ITIH5: variants seen among roughly 807,000 people sequenced by gnomAD.
ITIH5 encodes inter-alpha-trypsin inhibitor heavy chain H5.
Under a neutral mutation model 77.5 loss-of-function variants are expected in ITIH5, and 65 were observed. The observed-to-expected ratio is 0.84, with a 90% CI of 0.69 to 1.03. ITIH5 has a LOEUF of 1.03. Ranked by LOEUF, ITIH5 falls within the 50% of genes least tolerant of loss-of-function variation. The pLI, the probability that ITIH5 is intolerant of heterozygous loss-of-function variation, is 0.00. For missense variants in ITIH5, 1,208 were observed against 1,213.1 expected, an observed-to-expected ratio of 1.00 and a Z score of 0.06; for synonymous variants, 525 against 494.3, an observed-to-expected ratio of 1.06 and a Z score of -0.82.
In ITIH5 at chr10:7,576,577, G is replaced by A. The variant is rs777417574; in HGVS notation, c.1854C>T (p.Phe618=). 3 of 1,614,016 alleles carry A rather than the reference G, an allele frequency of 1.9e-6. No individual in the cohort carries two copies. The highest frequency in any genetic ancestry group is 2.5e-6 in the Non-Finnish European group (3 of 1,180,044). ...CCGGCCCCCTCAGCTTCATGGAGGTGAAGGGAGTGAGGAAGCGGTAGCTCA... is the reference window on the plus strand; with the variant it reads ...CCGGCCCCCTCAGCTTCATGGAGGTAAAGGGAGTGAGGAAGCGGTAGCTCA... ...LAVSYRFLTP[F]TSMKLRGPVP... Residue 618 remains phenylalanine, a synonymous_variant, in exon 10 of 14, where the codon TTC becomes TTT. Transcript: ENST00000397146.
rs548335123 is a variant in ITIH5 at position 7,576,886 on chromosome 10, C to T, written c.1545G>A (p.Ala515=). 141 of 1,614,126 alleles carry T rather than the reference C, an allele frequency of 8.7e-5. No homozygotes were observed. In the East Asian group the frequency reaches 2.2e-3, roughly 26 times the overall value. Residue 515 remains alanine, a synonymous_variant, in exon 10 of 14, where the codon GCG becomes GCA. Coordinates refer to ENST00000397146, the MANE Select transcript of ITIH5 (RefSeq NM_030569.7). ...CCAGCTTCCTGTCCACCAGCTTCCC[C>T]GCAATGATGATCTCCGAGCCGTTGA... ...NYFNGSEIII[A]GKLVDRKLDH...
chr10:7,565,844 T>C (rs1297673704), intron 13 of ITIH5, among the ~76,000 whole-genome samples, 186 bp downstream of exon 13: 1 of 150,506 alleles, frequency 6.6e-6, no homozygotes, highest in African/African-American at 2.4e-5. Flanking sequence ...TGTATATGTA[T>C]ATATGTATAG....
chr10:7,608,434 C>G (rs114486572), intron 7 of ITIH5, among the ~76,000 whole-genome samples: 1 of 152,138 alleles, frequency 6.6e-6, no homozygotes, highest in African/African-American at 2.4e-5. Context: ...TGTGGGCCAT[C>G]ATGCCTGGCT....
intron 7 of ITIH5, among the ~76,000 whole-genome samples, chr10:7,604,178 G>C (rs1277073776): frequency 6.6e-6 from 1 of 152,152 alleles, no homozygotes; most frequent in Non-Finnish European, 1.5e-5. Flanking sequence ...GGGTCCCATG[G>C]TTATAAGGGA....
intron 2 of ITIH5, among the ~76,000 whole-genome samples, chr10:7,650,891 C>T (rs1468992580): frequency 1.3e-5 from 2 of 152,150 alleles, no homozygotes; most frequent in Non-Finnish European, 2.9e-5. Context: ...TGTGCTAATA[C>T]AGTCTACGTA....
intron 7 of ITIH5, among the ~76,000 whole-genome samples, chr10:7,596,072 T>C (rs1383934081): frequency 6.6e-6 from 1 of 152,220 alleles, no homozygotes; most frequent in Non-Finnish European, 1.5e-5. Flanking sequence ...ATCCCTTCAG[T>C]ACAGCTGGCA....
chr10:7,622,958 A>G (rs1833497732), intron 5 of ITIH5, among the ~76,000 whole-genome samples: 1 of 152,384 alleles, frequency 6.6e-6, no homozygotes, highest in South Asian at 2.1e-4. Flanking sequence ...TAGCTTGTGC[A>G]TCAGAGTTGA....
At chr10:7,651,249 A>T (rs1437548445) in intron 2 of ITIH5, among the ~76,000 whole-genome samples, 2 of 151,624 alleles carry the variant, frequency 1.3e-5, no homozygotes, top group Non-Finnish European at 2.9e-5. Context: ...ATATAAACCG[A>T]CCAATCCATA....
intron 7 of ITIH5, among the ~76,000 whole-genome samples, chr10:7,588,482 C>A (rs1832726633): frequency 6.6e-6 from 1 of 152,254 alleles, no homozygotes; most frequent in Admixed American, 6.5e-5. Flanking sequence ...CGTGCCACTG[C>A]ACTCTGCCTG....
At chr10:7,659,206 ATC>A (rs2131113135) in intron 1 of ITIH5, among the ~76,000 whole-genome samples, 1 of 152,140 alleles carries the variant, frequency 6.6e-6, no homozygotes, top group East Asian at 1.9e-4. Flanking sequence ...GTGAAACCTC[ATC>A]TCTGTTTTAA....
chr10:7,565,701 CA>C (rs1476308221), intron 13 of ITIH5, among the ~76,000 whole-genome samples: 2 of 148,442 alleles, frequency 1.3e-5, no homozygotes, highest in South Asian at 4.2e-4. Flanking sequence ...ATACAGACTG[CA>C]TATATAATAT....
At chr10:7,618,480 C>G (rs927860376) in intron 5 of ITIH5, 28 of 152,276 alleles carry the variant, frequency 1.8e-4, no homozygotes, top group African/African-American at 6.3e-4. Flanking sequence ...AAACTACTCA[C>G]GTTTATAAAC....
chr10:7,585,969 A>C lies in ITIH5; in HGVS notation c.1040T>G (p.Leu347Trp), dbSNP rs1360572926. The C allele has an allele frequency of 1.9e-6, 3 of 1,614,004 alleles. No homozygotes were observed. Among genetic ancestry groups the C allele is most frequent in the Admixed American group, 3.3e-5 (2 of 60,000 alleles). Residue 347 changes from leucine to tryptophan, a missense_variant, in exon 8 of 14, where the codon TTG becomes TGG. Coordinates refer to ENST00000397146, the MANE Select transcript of ITIH5 (RefSeq NM_030569.7). ...SNRIKVWKDH[L>W]ISVTPDSIRD... Reference sequence around the variant, plus strand: ...GATGCTGTCTGGAGTGACTGATATCAAGTGGTCCTTCCATACTTTGATCCG... The same window carrying C: ...GATGCTGTCTGGAGTGACTGATATCCAGTGGTCCTTCCATACTTTGATCCG...
At chr10:7,622,851 A>C (rs571933857) in intron 5 of ITIH5, among the ~76,000 whole-genome samples, 5 of 152,336 alleles carry the variant, frequency 3.3e-5, no homozygotes, top group African/African-American at 1.2e-4. Flanking sequence ...ATTTTGCCAC[A>C]TTCTCCAAGG....
chr10:7,582,084 C>T (rs1054426028), intron 8 of ITIH5, among the ~76,000 whole-genome samples: 28 of 152,018 alleles, frequency 1.8e-4, no homozygotes, highest in South Asian at 4.2e-4. Flanking sequence ...ACCATGTTGG[C>T]CAGGCTGGTC....
intron 8 of ITIH5, among the ~76,000 whole-genome samples, chr10:7,582,586 G>A (rs1244272610): frequency 6.6e-6 from 1 of 152,108 alleles, no homozygotes; most frequent in Non-Finnish European, 1.5e-5. Flanking sequence ...CCTGACTGGA[G>A]TGACTTTTCT....
chr10:7,587,674 G>A (rs1832709631), intron 7 of ITIH5, among the ~76,000 whole-genome samples: 1 of 152,226 alleles, frequency 6.6e-6, no homozygotes, highest in South Asian at 2.1e-4. Context: ...GCTCTGAGCA[G>A]GGCCAGCCAC....
Position 7,641,646 on chromosome 10 carries a change from AAGG to A in ITIH5, c.299+278_299+280del, listed in dbSNP as rs1564275757. Among the ~76,000 whole-genome samples the A allele has an allele frequency of 9.5e-5, 8 of 83,908 alleles. No homozygotes were observed. In the East Asian group the frequency reaches 4.3e-3, roughly 45 times the overall value. The allele number at this position is 83,908 out of a possible 152,430, so 55.0% of individuals were successfully genotyped here. A position where few individuals can be genotyped will look rare whatever the true frequency, so the allele number is the denominator to read the frequency against. ...AGGAGGGAAGGAAAGAAAAGGAAGG[AAGG>A]AAGGGAGGGAGGGAGGGAGGGAGGC... On this transcript the variant is annotated intron_variant, in intron 3 of 13. Transcript: ENST00000397146.
chr10:7,659,461 G>A (rs1834241711), intron 1 of ITIH5, among the ~76,000 whole-genome samples: 1 of 151,940 alleles, frequency 6.6e-6, no homozygotes, highest in African/African-American at 2.4e-5. Context: ...GTGAAAGGAA[G>A]GCCATCATAG....
Sources: gnomAD v4.1 joint callset for allele counts (sites outside exome capture counted in the v4.1 genomes callset) on GRCh38, gnomAD v4.1.1 for gene constraint, MANE v1.5 for transcripts, NCBI Gene and HGNC (gene_info 2026-07-23, HGNC 2026-07-21) for gene names.